PPP1R12A: variants seen among roughly 807,000 people sequenced by gnomAD.
PPP1R12A encodes protein phosphatase 1 regulatory subunit 12A, also known as myosin binding subunit.
In PPP1R12A, 19 loss-of-function variants were observed where a neutral mutation model predicts 139.6. The ratio of observed to expected loss-of-function variants is 0.14; its 90% CI spans 0.09 to 0.20. The LOEUF is 0.20. Ranked by LOEUF, PPP1R12A falls within the 10% of genes least tolerant of loss-of-function variation. PPP1R12A has a pLI of 1.00. For synonymous variants in PPP1R12A, 427 were observed against 420.6 expected, an observed-to-expected ratio of 1.02 and a Z score of -0.19; for missense variants, 925 against 1,211.5, an observed-to-expected ratio of 0.76 and a Z score of 3.51.
At position 79,828,344 on chromosome 12, in the gene PPP1R12A, A is replaced by G. The variant is rs1253509449; in HGVS notation, c.768T>C (p.Cys256=). The G allele has an allele frequency of 1.1e-5, 18 of 1,612,264 alleles. No homozygotes were observed. Among genetic ancestry groups the G allele is most frequent in the Non-Finnish European group, 1.4e-5 (17 of 1,178,792 alleles). The part of the protein sequence containing the change: ...EACRILVDNL[C]DMEMVNKVGQ... ...CCACTTTGTTGACCATCTCCATATCACACAGATTGTCCACTAAAATTCGAC... is the reference window on the plus strand; with the variant it reads ...CCACTTTGTTGACCATCTCCATATCGCACAGATTGTCCACTAAAATTCGAC... The change falls in exon 5 of 25, where the codon TGT becomes TGC. Residue 256 remains cysteine (C), a synonymous_variant. Coordinates refer to ENST00000450142, the MANE Select transcript of PPP1R12A (RefSeq NM_002480.3).
intron 5 of PPP1R12A, among the ~76,000 whole-genome samples, chr12:79,826,610 TA>T (rs1294497698): frequency 6.6e-6 from 1 of 152,132 alleles, no homozygotes; most frequent in African/African-American, 2.4e-5. Context: ...AGTAATTTTT[TA>T]AAAAAGGATA....
chr12:79,826,337 G>T (rs1395750424), intron 5 of PPP1R12A, among the ~76,000 whole-genome samples: 10 of 117,186 alleles, frequency 8.5e-5, no homozygotes, highest in African/African-American at 9.9e-5. Flanking sequence ...ATTGTTTCGG[G>T]TTTTTTTTTT....
chr12:79,809,941 T>G lies in PPP1R12A; in HGVS notation c.1309A>C (p.Arg437=). 1 of 1,613,606 alleles carries G rather than the reference T, an allele frequency of 6.2e-7. No individual in the cohort carries two copies. Among genetic ancestry groups the G allele is most frequent in the African/African-American group, 1.3e-5 (1 of 75,036 alleles). Reference sequence around the variant, plus strand: ...CTGCCCGTCTTTCTAAGTCCTAACCTCCAAGTTGCAGGAGACTCATCTTTT... The same window carrying G: ...CTGCCCGTCTTTCTAAGTCCTAACCGCCAAGTTGCAGGAGACTCATCTTTT... ...ERKDESPATW[R]LGLRKTGSYG... is the part of the protein sequence containing the mutation. The change falls in exon 10 of 25, where the codon AGG becomes CGG. Residue 437 remains arginine (R), a synonymous_variant. Transcript: ENST00000450142.
At chr12:79,913,964 G>A (rs1332867062) in intron 1 of PPP1R12A, 1 of 151,964 alleles carries the variant, frequency 6.6e-6, no homozygotes, top group African/African-American at 2.4e-5. Flanking sequence ...ATGCAGAAGT[G>A]GATATGAGAA....
At chr12:79,856,369 T>C (rs2656032) in intron 2 of PPP1R12A, among the ~76,000 whole-genome samples, 2 of 152,050 alleles carry the variant, frequency 1.3e-5, no homozygotes, top group Non-Finnish European at 2.9e-5. Context: ...GTTAACCAAA[T>C]AGGCTGACTG....
At chr12:79,897,622 T>A (rs1885251963) in intron 1 of PPP1R12A, among the ~76,000 whole-genome samples, 1 of 152,238 alleles carries the variant, frequency 6.6e-6, no homozygotes, top group African/African-American at 2.4e-5. Context: ...GTTTATGTGA[T>A]CAAGTGGAGG....
chr12:79,839,545 G>A (rs1878463839), intron 3 of PPP1R12A, among the ~76,000 whole-genome samples: 1 of 152,166 alleles, frequency 6.6e-6, no homozygotes, highest in African/African-American at 2.4e-5. Context: ...AGTCGTGGGA[G>A]GGACTCCGTG....
chr12:79,896,402 T>C (rs1292925496), intron 1 of PPP1R12A, among the ~76,000 whole-genome samples: 1 of 152,106 alleles, frequency 6.6e-6, no homozygotes, highest in East Asian at 1.9e-4. Flanking sequence ...GGCTCGAACA[T>C]AGCTCACTGT....
intron 1 of PPP1R12A, among the ~76,000 whole-genome samples, chr12:79,916,950 C>CA (rs1188877208): frequency 6.6e-6 from 1 of 150,676 alleles, no homozygotes; most frequent in Admixed American, 6.6e-5. Context: ...TAACATAATT[C>CA]AAAATCTGTA....
intron 12 of PPP1R12A, 42 bp from the exon 13 acceptor site, chr12:79,806,375 T>C (rs1235644750): frequency 6.5e-7 from 1 of 1,545,934 alleles, no homozygotes; most frequent in Non-Finnish European, 8.8e-7. Context: ...TGTTTGTATG[T>C]GTATTCTATA....
chr12:79,891,791 T>G (rs1455911673), intron 1 of PPP1R12A, among the ~76,000 whole-genome samples: 1 of 152,176 alleles, frequency 6.6e-6, no homozygotes, highest in Non-Finnish European at 1.5e-5. Flanking sequence ...ATAAGCCAAA[T>G]GTCATGCTGG....
At chr12:79,919,686 T>C (rs1342723767) in intron 1 of PPP1R12A, among the ~76,000 whole-genome samples, 1 of 152,164 alleles carries the variant, frequency 6.6e-6, no homozygotes, top group Admixed American at 6.5e-5. Context: ...GTGTATTATC[T>C]ATACACTCCA....
intron 13 of PPP1R12A, 24 bp downstream of exon 13, chr12:79,806,142 G>C: frequency 1.2e-6 from 2 of 1,611,090 alleles, no homozygotes. Flanking sequence ...GTAGACCTGA[G>C]CACAAAATGT....
intron 1 of PPP1R12A, among the ~76,000 whole-genome samples, chr12:79,894,583 A>G (rs1456137991): frequency 6.6e-6 from 1 of 152,142 alleles, no homozygotes; most frequent in Non-Finnish European, 1.5e-5. Flanking sequence ...GATCCCAAAA[A>G]TGTTCCTATA....
chr12:79,814,385 G>A (rs916389153), intron 9 of PPP1R12A, among the ~76,000 whole-genome samples: 4 of 148,754 alleles, frequency 2.7e-5, no homozygotes, highest in Non-Finnish European at 5.9e-5. Context: ...GCTGAGGCAG[G>A]AGAATGGCGT....
chr12:79,791,936 C>T (rs7968622), intron 19 of PPP1R12A, among the ~76,000 whole-genome samples: 138,981 of 152,106 alleles, frequency 0.91, 63,794 homozygotes, highest in Middle Eastern at 0.95. Flanking sequence ...TTTAGCATAA[C>T]GCCCTTGTTC....
intron 1 of PPP1R12A, among the ~76,000 whole-genome samples, chr12:79,889,474 A>G (rs1884397881): frequency 6.6e-6 from 1 of 152,170 alleles, no homozygotes; most frequent in Non-Finnish European, 1.5e-5. Flanking sequence ...CCACCAACAC[A>G]TGAGGTAGGG....
chr12:79,842,652 T>A (rs1349681165), intron 3 of PPP1R12A, among the ~76,000 whole-genome samples: 1 of 150,664 alleles, frequency 6.6e-6, no homozygotes, highest in Admixed American at 6.6e-5. Flanking sequence ...TAATCACACA[T>A]ACATAAATTT....
At chr12:79,877,845 T>C (rs1883258564) in intron 1 of PPP1R12A, among the ~76,000 whole-genome samples, 1 of 152,138 alleles carries the variant, frequency 6.6e-6, no homozygotes, top group Non-Finnish European at 1.5e-5. Flanking sequence ...TCACCTTTTT[T>C]TCTCAACCTC....
Sources: gnomAD v4.1 joint callset for allele counts (sites outside exome capture counted in the v4.1 genomes callset) on GRCh38, gnomAD v4.1.1 for gene constraint, MANE v1.5 for transcripts, NCBI Gene and HGNC (gene_info 2026-07-23, HGNC 2026-07-21) for gene names.